The following INSR variants were observed in gnomAD, a reference collection of about 807,000 sequenced individuals.
INSR encodes IR.
INSR carries 67 observed loss-of-function variants against 142.6 expected under a neutral mutation model. That is an observed-to-expected ratio of 0.47 (90% CI 0.39 to 0.58). The LOEUF is 0.58. Among genes scored for constraint, INSR ranks in the 20% least tolerant of loss-of-function variants. The pLI, the probability that INSR is intolerant of heterozygous loss-of-function variation, is 0.00. For missense variants in INSR, 1,248 were observed against 1,833.2 expected (o/e 0.68, Z 5.83); for synonymous variants, 756 against 743.1 (o/e 1.02, Z -0.28).
chr19:7,185,439 C>T (rs1298944638), intron 2 of INSR, among the ~76,000 whole-genome samples: 2 of 152,116 alleles, frequency 1.3e-5, no homozygotes, highest in African/African-American at 4.8e-5. Context: ...CTTCAACAGA[C>T]ATTTGCTTGC....
At chr19:7,265,290 G>A (rs555818128) in intron 2 of INSR, among the ~76,000 whole-genome samples, 1 of 152,260 alleles carries the variant, frequency 6.6e-6, no homozygotes, top group Admixed American at 6.5e-5. Flanking sequence ...GGACACACCA[G>A]AAACAGACCC....
Position 7,213,028 on chromosome 19 carries a change from A to G in INSR, c.653-28391T>C, listed in dbSNP as rs1479810938. Among the ~76,000 whole-genome samples, 5 of 152,134 alleles carry G rather than the reference A, an allele frequency of 3.3e-5. No homozygotes were observed. In the East Asian group the frequency reaches 9.6e-4, roughly 29 times the overall value. ...CAGCTCTGTTTAAAATGTGAGGCTT[A>G]GAATAACAGTGAAGATGCTTTAAAC... On this transcript the variant is annotated intron_variant, in intron 2 of 21. Coordinates refer to ENST00000302850, the MANE Select transcript of INSR (RefSeq NM_000208.4).
intron 2 of INSR, among the ~76,000 whole-genome samples, chr19:7,208,685 C>T (rs1473717855): frequency 6.6e-6 from 1 of 151,970 alleles, no homozygotes; most frequent in East Asian, 1.9e-4. Flanking sequence ...GCTTAGATAA[C>T]ATGGCAAAAC....
At chr19:7,118,242 A>AAT (rs199582315) in intron 21 of INSR, among the ~76,000 whole-genome samples, 245 of 151,512 alleles carry the variant, frequency 1.6e-3, no homozygotes, top group African/African-American at 5.1e-3. Context: ...ACTTCATCTA[A>AAT]ATATATATAT....
At position 7,119,683 on chromosome 19, in the gene INSR, A is replaced by C. The variant is rs1972431849; in HGVS notation, c.3660-100T>G. ...ACACGCAAACGCACACACACACGCAAACACACATGCCAACACATACATGCA... is the reference window on the plus strand; with the variant it reads ...ACACGCAAACGCACACACACACGCACACACACATGCCAACACATACATGCA... On this transcript the variant is annotated intron_variant, in intron 20 of 21. Coordinates refer to ENST00000302850, the MANE Select transcript of INSR (RefSeq NM_000208.4). This position sits in a 1 kb window ranked among gnomAD's most constrained non-coding sequence, Gnocchi z 5.2. 8 of 1,317,166 alleles carry C rather than the reference A, an allele frequency of 6.1e-6. No individual in the cohort carries two copies. The highest frequency in any genetic ancestry group is 2.3e-5 in the East Asian group (1 of 42,886). 81.6% of individuals were successfully genotyped at this position (1,317,166 alleles called of 1,614,324 possible).
chr19:7,292,001 G>C (rs1457890844), intron 1 of INSR, among the ~76,000 whole-genome samples: 9 of 151,682 alleles, frequency 5.9e-5, no homozygotes, highest in Non-Finnish European at 1.0e-4. Context: ...TACCGTGTTA[G>C]CCAGGATGGT....
Position 7,170,722 on chromosome 19 carries a change from T to C in INSR, c.1298A>G (p.Gln433Arg). 6.2e-7 allele frequency: 1 copy of C among 1,614,094 alleles called. No homozygotes were observed. Among genetic ancestry groups the C allele is most frequent in the Non-Finnish European group, 8.5e-7 (1 of 1,179,976 alleles). The change falls in exon 6 of 22, where the codon CAG becomes CGG. Residue 433 changes from glutamine (Q) to arginine (R), a missense_variant. This residue lies in a region of INSR where 1,069 missense variants were observed against 1,654.0 expected (regional missense o/e 0.65). Transcript: ENST00000302850. ...CCAGTCCCAGAGCTGCCTTAGGTTCTGGTTGTCCAAGGCATAGAAGGAGTA... is the reference window on the plus strand; with the variant it reads ...CCAGTCCCAGAGCTGCCTTAGGTTCCGGTTGTCCAAGGCATAGAAGGAGTA... The part of the protein sequence containing the change: ...GNYSFYALDN[Q>R]NLRQLWDWSK...
At chr19:7,153,699 C>CAGG (rs1307037532) in intron 9 of INSR, among the ~76,000 whole-genome samples, 1 of 151,990 alleles carries the variant, frequency 6.6e-6, no homozygotes, top group Non-Finnish European at 1.5e-5. Context: ...GCCTGGGTGA[C>CAGG]AGAGTAGAAC....
intron 8 of INSR, among the ~76,000 whole-genome samples, chr19:7,165,866 GAAA>G (rs200089915): frequency 1.3e-3 from 132 of 103,134 alleles, no homozygotes; most frequent in Middle Eastern, 5.1e-3. Flanking sequence ...TCATCTCAAA[GAAA>G]AAAAAAAAAA....
chr19:7,277,068 C>A (rs888785769), intron 1 of INSR, among the ~76,000 whole-genome samples: 25 of 152,018 alleles, frequency 1.6e-4, no homozygotes, highest in African/African-American at 6.0e-4. Flanking sequence ...CATAATGAAA[C>A]CTACAAAGAA....
chr19:7,221,244 C>T (rs1055214009), intron 2 of INSR, among the ~76,000 whole-genome samples: 1 of 151,846 alleles, frequency 6.6e-6, no homozygotes, highest in Non-Finnish European at 1.5e-5. Context: ...TGTGGTGTTG[C>T]GCACCTGTAA....
chr19:7,155,538 C>G, intron 9 of INSR, among the ~76,000 whole-genome samples: 1 of 53,464 alleles, frequency 1.9e-5, no homozygotes, highest in Admixed American at 2.6e-4. Context: ...CATTCCATCT[C>G]TCAAAAAAAA....
At chr19:7,182,691 C>G (rs1033493973) in intron 3 of INSR, among the ~76,000 whole-genome samples, 6 of 152,072 alleles carry the variant, frequency 3.9e-5, no homozygotes, top group African/African-American at 1.4e-4. Flanking sequence ...TTAGCATCTC[C>G]CGCATCATCA....
At chr19:7,256,720 C>G (rs1018956293) in intron 2 of INSR, among the ~76,000 whole-genome samples, 1 of 151,780 alleles carries the variant, frequency 6.6e-6, no homozygotes, top group Non-Finnish European at 1.5e-5. Flanking sequence ...AGTTGAGACC[C>G]TTGTCTCAAA....
At position 7,150,975 on chromosome 19, in the gene INSR, TTC is replaced by T. The variant is rs1329472053; in HGVS notation, c.2232-445_2232-444del. Among the ~76,000 whole-genome samples, 1 of 151,384 alleles carries T rather than the reference TTC, an allele frequency of 6.6e-6. No individual in the cohort carries two copies. The highest frequency in any genetic ancestry group is 2.2e-4 in the South Asian group (1 of 4,634). On this transcript the variant is annotated intron_variant, in intron 10 of 21. Coordinates refer to ENST00000302850, the MANE Select transcript of INSR (RefSeq NM_000208.4). The surrounding 1 kb of genome is among the most constrained non-coding windows in gnomAD (Gnocchi z 4.2). The stretch of plus-strand genomic sequence containing the variant: ...TTCCTTCCTTCTTTCCTCTTTTACT[TTC>T]TTTCTCTCTTTTTCCCTCTTTCCTT...
intron 2 of INSR, among the ~76,000 whole-genome samples, chr19:7,248,485 C>CAA (rs758091489): frequency 0.014 from 473 of 34,774 alleles, 27 homozygotes; most frequent in African/African-American, 0.019. Context: ...GACCCCATCT[C>CAA]AAAAAAAAAA....
intron 1 of INSR, 142 bp from the exon 2 acceptor site, chr19:7,268,038 C>T (rs1967794410): frequency 2.7e-6 from 2 of 737,638 alleles, no homozygotes; most frequent in African/African-American, 1.7e-5. Flanking sequence ...ACTCTGCAGC[C>T]AGCCGGGATG....
chr19:7,259,048 TCTTTCTTCCTTC>T (rs1976978903), intron 2 of INSR, among the ~76,000 whole-genome samples: 1 of 139,450 alleles, frequency 7.2e-6, no homozygotes, highest in Admixed American at 7.2e-5. Context: ...TTCCTTCCTT[TCTTTCTTCCTTC>T]CTTTCTCCTT....
intron 11 of INSR, among the ~76,000 whole-genome samples, chr19:7,149,936 A>AAGGAAGGAAG (rs1973289242): frequency 1.4e-5 from 2 of 144,284 alleles, no homozygotes; most frequent in African/African-American, 5.2e-5. Context: ...AAAAAAAGAA[A>AAGGAAGGAAG]GAAGGAAGGA....
Sources: allele counts gnomAD v4.1 joint callset (sites outside exome capture counted in the v4.1 genomes callset), GRCh38; gene constraint gnomAD v4.1.1; regional missense constraint gnomAD v4.1.1; non-coding constraint Gnocchi (gnomAD v3.1); transcripts MANE v1.5; gene names NCBI Gene and HGNC (gene_info 2026-07-23, HGNC 2026-07-21).